The following MDC1 variants were observed in gnomAD, a reference collection of about 807,000 sequenced individuals.
MDC1 encodes the protein mediator of DNA damage checkpoint protein 1.
In MDC1, 81 loss-of-function variants were observed where a neutral mutation model predicts 142.5. The observed-to-expected ratio is 0.57, with a 90% confidence interval of 0.47 to 0.68. MDC1 has a LOEUF of 0.68. MDC1 is among the 30% of genes least tolerant of loss of function. MDC1 has a pLI of 0.00. For synonymous variants in MDC1, 797 were observed against 968.4 expected, an observed-to-expected ratio of 0.82 and a Z score of 3.29; for missense variants, 2,119 against 2,547.9, an observed-to-expected ratio of 0.83 and a Z score of 3.62.
rs543683378 is a variant in MDC1 at position 30,700,603 on chromosome 6, C to T, written c.6132G>A (p.Gln2044=). 3.3e-5 allele frequency: 53 copies of T among 1,612,916 alleles called. No homozygotes were observed. The East Asian group carries it at 1.1e-3, about 35-fold the overall frequency. ...KPQRVVITCP[Q]DFPHCSIPLR... Reference sequence around the variant, plus strand: ...GTGGAATGGAGCAATGAGGGAAGTCCTGAGGGCATGTGATCACAACTCTCT... The same window carrying T: ...GTGGAATGGAGCAATGAGGGAAGTCTTGAGGGCATGTGATCACAACTCTCT... The change falls in exon 15 of 15, where the codon CAG becomes CAA. Residue 2044 remains glutamine (Q), a synonymous_variant. Coordinates refer to ENST00000376406, the MANE Select transcript of MDC1 (RefSeq NM_014641.3).
chr6:30,700,953 G>A (rs879600845), intron 14 of MDC1, among the ~76,000 whole-genome samples: 1 of 149,458 alleles, frequency 6.7e-6, no homozygotes, highest in Non-Finnish European at 1.5e-5. Context: ...GGTGCCTGTC[G>A]TCCCAGCTAC....
Position 30,704,590 on chromosome 6 carries a change from C to T in MDC1, c.4593G>A (p.Val1531=), listed in dbSNP as rs777287778. 6.9e-7 allele frequency: 1 copy of T among 1,444,148 alleles called. No individual in the cohort carries two copies. Among genetic ancestry groups the T allele is most frequent in the South Asian group, 1.3e-5 (1 of 77,550 alleles). The allele number at this position is 1,444,148 out of a possible 1,614,324, so 89.5% of individuals were successfully genotyped here. The part of the protein sequence containing the change: ...RSSVKTPETV[V]PAAPELQPST... ...AAGGCTGGAGCTCAGGGGCTGCGGG[C>T]ACAACTGTTTCAGGGGTCTTGACAG... The change falls in exon 10 of 15, where the codon GTG becomes GTA. Residue 1531 remains valine (V), a synonymous_variant. Coordinates refer to ENST00000376406, the MANE Select transcript of MDC1 (RefSeq NM_014641.3).
rs9281019 is a variant in MDC1, at chr6:30,716,228, T to TTTC, written c.-4+1016_-4+1017insGAA. On this transcript the variant is annotated intron_variant, in intron 1 of 14. Transcript: ENST00000376406. This position sits in a 1 kb window ranked among gnomAD's most constrained non-coding sequence, Gnocchi z 4.4. ...TTCAGTTCAAATGTCACTTTCTTTCTTTTTTTTTTTTTTGAGATGGAATCT... is the reference window on the plus strand; with the variant it reads ...TTCAGTTCAAATGTCACTTTCTTTCTTTCTTTTTTTTTTTTTGAGATGGAATCT... Among the ~76,000 whole-genome samples, 2 of 121,736 alleles carry TTTC rather than the reference T, an allele frequency of 1.6e-5. No individual in the cohort carries two copies. Among genetic ancestry groups the TTTC allele is most frequent in the African/African-American group, 6.9e-5 (2 of 28,782 alleles). 79.9% of individuals were successfully genotyped at this position (121,736 alleles called of 152,430 possible). A position where few individuals can be genotyped will look rare whatever the true frequency, so the allele number is the denominator to read the frequency against.
chr6:30,714,488 A>T (rs1409215517), intron 2 of MDC1, among the ~76,000 whole-genome samples: 3 of 152,062 alleles, frequency 2.0e-5, no homozygotes, highest in Non-Finnish European at 4.4e-5. Flanking sequence ...ATCCATCTCC[A>T]GAGCACACAA....
rs1414518789 is a variant in MDC1, at chr6:30,714,030, C to T, written c.290G>A (p.Gly97Asp). 1 of 1,612,960 alleles carries T rather than the reference C, an allele frequency of 6.2e-7. No individual in the cohort carries two copies. Among genetic ancestry groups the T allele is most frequent in the Non-Finnish European group, 8.5e-7 (1 of 1,179,990 alleles). ...PILRDCGSLN[G>D]TQILRPPKVL... ...CTTAGGAGGTCTCAGGATTTGAGTA[C>T]CATTAAGGCTCCCACAGTCTCGGAG... Residue 97 changes from glycine to aspartate, a missense_variant, in exon 3 of 15, where the codon GGT becomes GAT. By Grantham distance (94) the Gly-to-Asp change is moderately conservative. Transcript: ENST00000376406.
chr6:30,702,980 C>A, intron 12 of MDC1, 103 bp from the exon 13 acceptor site: 1 of 1,587,058 alleles, frequency 6.3e-7, no homozygotes, highest in Non-Finnish European at 8.6e-7. Flanking sequence ...TAAATCAATG[C>A]AGGCTTCTGG....
rs951923582 is a variant in MDC1 at position 30,714,263 on chromosome 6, A to G, written c.137-80T>C. On this transcript the variant is annotated intron_variant, in intron 2 of 14. Transcript: ENST00000376406. ...GGAAAAAGTGCCTATTAGGTACTCT[A>G]CTACTCACTCAAGGCCTCCATATGC... 4 of 1,405,250 alleles carry G rather than the reference A, an allele frequency of 2.8e-6. No homozygotes were observed. The African/African-American group carries it at 5.8e-5, about 20-fold the overall frequency. The allele number at this position is 1,405,250 out of a possible 1,614,324, so 87.0% of individuals were successfully genotyped here.
At position 30,705,478 on chromosome 6, in the gene MDC1, G is replaced by A. The variant is rs748543349; in HGVS notation, c.3705C>T (p.Ser1235=). 2 of 1,607,258 alleles carry A rather than the reference G, an allele frequency of 1.2e-6. No individual in the cohort carries two copies. Among genetic ancestry groups the A allele is most frequent in the Non-Finnish European group, 1.7e-6 (2 of 1,177,130 alleles). ...SQATRGRKNR[S]SVKTPEPVVP... is the part of the protein sequence containing the mutation. Reference sequence around the variant, plus strand: ...CAACTGGTTCAGGGGTCTTGACAGAGGATCTATTTTTTCTTCCCCTAGTAG... The same window carrying A: ...CAACTGGTTCAGGGGTCTTGACAGAAGATCTATTTTTTCTTCCCCTAGTAG... Residue 1235 remains serine, a synonymous_variant, in exon 10 of 15, where the codon TCC becomes TCT. Coordinates refer to ENST00000376406, the MANE Select transcript of MDC1 (RefSeq NM_014641.3).
chr6:30,705,301 G>C lies in MDC1; in HGVS notation c.3882C>G (p.Ser1294=). The C allele has an allele frequency of 6.2e-7, 1 of 1,603,392 alleles. No homozygotes were observed. Among genetic ancestry groups the C allele is most frequent in the Non-Finnish European group, 8.5e-7 (1 of 1,175,658 alleles). ...GGGTGACAGGTCGGTCTGTGGAGGT[G>C]GAAGGCCGGAGCTCAGGGGCTGTGG... ...VVPTAPELRP[S]TSTDRPVTPK... The change falls in exon 10 of 15, where the codon TCC becomes TCG. Residue 1294 remains serine (S), a synonymous_variant. Coordinates refer to ENST00000376406, the MANE Select transcript of MDC1 (RefSeq NM_014641.3).
At chr6:30,711,585 C>T (rs1425743444) in intron 6 of MDC1, 81 bp from the exon 7 acceptor site, 2 of 1,600,882 alleles carry the variant, frequency 1.2e-6, no homozygotes, top group East Asian at 4.5e-5. Context: ...CCTACCCATA[C>T]TAGCCTTTAC....
At chr6:30,707,109 C>T (rs977281964) in intron 9 of MDC1, among the ~76,000 whole-genome samples, 5 of 152,114 alleles carry the variant, frequency 3.3e-5, no homozygotes, top group Non-Finnish European at 7.3e-5. Context: ...GTTCTCCACA[C>T]GTGGATGATG....
rs1267942160 is a variant in MDC1, at chr6:30,705,909, C to A, written c.3274G>T (p.Ala1092Ser). 2.5e-6 allele frequency: 4 copies of A among 1,613,184 alleles called. No homozygotes were observed. Among genetic ancestry groups the A allele is most frequent in the Non-Finnish European group, 1.7e-6 (2 of 1,179,658 alleles). The part of the protein sequence containing the change: ...RQDGSQEAPE[A>S]PLSSELEPFH... ...GGCTCCAGCTCTGAGGACAAGGGAGCCTCTGGAGCTTCCTGACTCCCATCT... is the reference window on the plus strand; with the variant it reads ...GGCTCCAGCTCTGAGGACAAGGGAGACTCTGGAGCTTCCTGACTCCCATCT... Residue 1092 changes from alanine to serine, a missense_variant, in exon 10 of 15, where the codon GCT becomes TCT. By Grantham distance (99) the Ala-to-Ser change is moderately conservative. Transcript: ENST00000376406.
intron 7 of MDC1, among the ~76,000 whole-genome samples, chr6:30,708,690 CA>C (rs1253383311): frequency 6.6e-6 from 1 of 151,496 alleles, no homozygotes; most frequent in Non-Finnish European, 1.5e-5. Context: ...CCCATCTCTA[CA>C]AAAAATACAA....
Position 30,704,104 on chromosome 6 carries a change from C to T in MDC1, c.5079G>A (p.Pro1693=), listed in dbSNP as rs187724951. 149 of 1,613,858 alleles carry T rather than the reference C, an allele frequency of 9.2e-5. 2 individuals are homozygous for T. In the East Asian group the frequency reaches 1.2e-3, roughly 13 times the overall value. ...ATTGGAATTCAGGGGTGGTAGGAAC[C>T]GGCATAGCTCTTACTGTGGAAGACC... ...TLRSSTVRAM[P]VPTTPEFQSP... Residue 1693 remains proline (P), a synonymous_variant, in exon 10 of 15, where the codon CCG becomes CCA. Coordinates refer to ENST00000376406, the MANE Select transcript of MDC1 (RefSeq NM_014641.3).
At chr6:30,702,726 G>T in intron 13 of MDC1, 26 bp downstream of exon 13, 2 of 1,612,978 alleles carry the variant, frequency 1.2e-6, no homozygotes, top group Non-Finnish European at 1.7e-6. Flanking sequence ...GAGGGCTGAA[G>T]CACAGGTTAA....
chr6:30,711,253 G>A (rs1290505670), intron 7 of MDC1, among the ~76,000 whole-genome samples, 159 bp downstream of exon 7: 1 of 152,188 alleles, frequency 6.6e-6, no homozygotes, highest in African/African-American at 2.4e-5. Context: ...ATGGACAGCT[G>A]TAATCCCAGC....
chr6:30,710,384 C>T (rs114262660), intron 7 of MDC1, among the ~76,000 whole-genome samples: 2,910 of 152,072 alleles, frequency 0.019, 40 homozygotes, highest in South Asian at 0.064. Flanking sequence ...GCACTGTGCC[C>T]GGCCTACATT....
chr6:30,713,093 A>T lies in MDC1; in HGVS notation c.849T>A (p.Val283=). ...TCCTCTCCAGAATCACCCCAGCTGG[A>T]ACCACCCCATTCCCTGCACCCCTCT... The part of the protein sequence containing the change: ...KVKRGAGNGV[V]PAGVILERSQ... Residue 283 remains valine, a synonymous_variant, in exon 5 of 15, where the codon GTT becomes GTA. Coordinates refer to ENST00000376406, the MANE Select transcript of MDC1 (RefSeq NM_014641.3). The surrounding 1 kb of genome is among the most constrained non-coding windows in gnomAD (Gnocchi z 4.9). 1.9e-6 allele frequency: 3 copies of T among 1,613,036 alleles called. No individual in the cohort carries two copies. In the South Asian group the frequency reaches 3.3e-5, roughly 18 times the overall value.
chr6:30,702,289 A>G, intron 14 of MDC1, among the ~76,000 whole-genome samples: 1 of 150,328 alleles, frequency 6.7e-6, no homozygotes, highest in East Asian at 1.9e-4. Context: ...AAAGAAAATC[A>G]AAGGAAAAAA....
Sources: allele counts gnomAD v4.1 joint callset (sites outside exome capture counted in the v4.1 genomes callset), GRCh38; gene constraint gnomAD v4.1.1; non-coding constraint Gnocchi (gnomAD v3.1); transcripts MANE v1.5; gene names NCBI Gene and HGNC (gene_info 2026-07-23, HGNC 2026-07-21).